CD300LG: variants seen among roughly 807,000 people sequenced by gnomAD.
CD300LG encodes the protein CD300 molecule like family member g, also known as CMRF35-like molecule 9.
A neutral mutation model predicts 31.5 loss-of-function variants in CD300LG; 29 were observed. The ratio of observed to expected loss-of-function variants is 0.92; its 90% CI spans 0.68 to 1.25. The LOEUF (loss-of-function observed/expected upper bound fraction) is 1.25, where lower values mean the gene tolerates loss of function less well. Among genes scored for constraint, CD300LG ranks in the 50% most tolerant of loss-of-function variants. CD300LG has a pLI of 0.00. For synonymous variants in CD300LG, 175 were observed against 177.2 expected (o/e 0.99, Z 0.10); for missense variants, 396 against 417.6 (o/e 0.95, Z 0.45).
chr17:43,848,321 G>C (rs2046244560), intron 1 of CD300LG, among the ~76,000 whole-genome samples: 1 of 152,170 alleles, frequency 6.6e-6, no homozygotes, highest in African/African-American at 2.4e-5. Context: ...GATTCTATCT[G>C]AATCTAGAAC....
intron 4 of CD300LG, among the ~76,000 whole-genome samples, chr17:43,854,986 C>A (rs1471120695): frequency 6.6e-6 from 1 of 152,160 alleles, no homozygotes; most frequent in Non-Finnish European, 1.5e-5. Context: ...TGAACCTAGA[C>A]AGCCTGGCTC....
chr17:43,855,900 AG>A (rs2046506598), intron 5 of CD300LG: 2 of 152,284 alleles, frequency 1.3e-5, no homozygotes. Flanking sequence ...CATGAAAAAA[AG>A]TAAAAAGAAA....
At chr17:43,857,059 G>T (rs1344363051) in intron 5 of CD300LG, 45 bp from the exon 6 acceptor site, 2 of 1,606,014 alleles carry the variant, frequency 1.2e-6, no homozygotes, top group East Asian at 2.2e-5. Flanking sequence ...GCCACTCCCG[G>T]CTACTCCTGG....
chr17:43,852,787 C>G, intron 2 of CD300LG, 125 bp from the exon 3 acceptor site: 1 of 656,352 alleles, frequency 1.5e-6, no homozygotes, highest in South Asian at 2.7e-5. Flanking sequence ...CCTGGTTGGC[C>G]GAGGCGAAAG....
At chr17:43,847,350 CCACCTATCCTCAGCCTCCTCAG>C in intron 1 of CD300LG, 91 bp downstream of exon 1, 1 of 1,448,662 alleles carries the variant, frequency 6.9e-7, no homozygotes, top group Non-Finnish European at 9.5e-7. Flanking sequence ...TAGCCCCACC[CCACCTATCCTCAGCCTCCTCAG>C]CCCTAGGGGA....
At chr17:43,857,308 G>A in intron 6 of CD300LG, 152 bp downstream of exon 6, 1 of 1,451,808 alleles carries the variant, frequency 6.9e-7, no homozygotes, top group African/African-American at 1.4e-5. Context: ...ATGTGTGTGA[G>A]CCCCAAGATC....
At chr17:43,847,921 C>T (rs1409540338) in intron 1 of CD300LG, among the ~76,000 whole-genome samples, 2 of 152,120 alleles carry the variant, frequency 1.3e-5, no homozygotes, top group Non-Finnish European at 2.9e-5. Flanking sequence ...TGCCCTCCAG[C>T]CTGGGCAACA....
In CD300LG at chr17:43,863,018, T is replaced by A. The variant is rs2046678687; in HGVS notation, c.*1107T>A. On this transcript the variant is annotated 3_prime_UTR_variant, in exon 7 of 7. Coordinates refer to ENST00000317310, the MANE Select transcript of CD300LG (RefSeq NM_145273.4). Reference sequence around the variant, plus strand: ...GGTAAAGTAGCACAACTACTATTTTTTTTCTTTTTCCATTATTATTGTTTT... The same window carrying A: ...GGTAAAGTAGCACAACTACTATTTTATTTCTTTTTCCATTATTATTGTTTT... 1 of 152,164 alleles carries A rather than the reference T, an allele frequency of 6.6e-6. No individual in the cohort carries two copies. The highest frequency in any genetic ancestry group is 6.5e-5 in the Admixed American group (1 of 15,270). 9.4% of individuals were successfully genotyped at this position (152,164 alleles called of 1,614,324 possible).
At chr17:43,851,649 T>C (rs1172893929) in intron 2 of CD300LG, among the ~76,000 whole-genome samples, 2 of 147,478 alleles carry the variant, frequency 1.4e-5, no homozygotes, top group African/African-American at 2.5e-5. Flanking sequence ...AATTTTTTTT[T>C]TTTTTTTTTT....
rs115182680 is a variant in CD300LG, at chr17:43,848,654, G to A, written c.140G>A (p.Arg47Gln). The change falls in exon 2 of 7, where the codon CGG (arginine) becomes CAG (glutamine). Residue 47 changes from arginine (R) to glutamine (Q), a missense_variant. By Grantham distance (43) the Arg-to-Gln change is conservative (BLOSUM62 1). Transcript: ENST00000317310. Reference sequence around the variant, plus strand: ...TACAGGGAAGAGCTGAGGGACCACCGGAAGTACTGGTGCAGGAAGGGTGGG... The same window carrying A: ...TACAGGGAAGAGCTGAGGGACCACCAGAAGTACTGGTGCAGGAAGGGTGGG... ...CTYREELRDHRKYWCRKGGIL... is the reference protein window; with the variant it reads ...CTYREELRDHQKYWCRKGGIL... The A allele has an allele frequency of 2.4e-5, 38 of 1,614,142 alleles. No homozygotes were observed. Among genetic ancestry groups the A allele is most frequent in the African/African-American group, 4.0e-5 (3 of 75,044 alleles).
At chr17:43,847,970 C>T (rs867499852) in intron 1 of CD300LG, among the ~76,000 whole-genome samples, 8 of 152,020 alleles carry the variant, frequency 5.3e-5, no homozygotes, top group Non-Finnish European at 8.8e-5. Context: ...AAACCAGGCA[C>T]GGTGGCTCAC....
At position 43,854,038 on chromosome 17, in the gene CD300LG, A is replaced by C. The variant is rs2143356417; in HGVS notation, c.713A>C (p.Lys238Thr). ...TSPALSSGSS[K>T]PRVSIPMVRI... ...CCAGCTCTCAGCAGTGGCAGCTCTA[A>C]GCCCAGGTGAGCCCCAGGTGACCAA... Residue 238 changes from lysine to threonine, a missense_variant, in exon 4 of 7, where the codon AAG becomes ACG. Transcript: ENST00000317310. 2 of 1,611,654 alleles carry C rather than the reference A, an allele frequency of 1.2e-6. No homozygotes were observed. The highest frequency in any genetic ancestry group is 2.2e-5 in the East Asian group (1 of 44,850).
intron 6 of CD300LG, chr17:43,861,017 C>A: frequency 1.3e-6 from 1 of 786,556 alleles, no homozygotes; most frequent in Non-Finnish European, 1.5e-6. Flanking sequence ...CCCCTCCCGG[C>A]ACCTCCCTGC....
At chr17:43,860,007 A>ATTAC (rs1449685494) in intron 6 of CD300LG, among the ~76,000 whole-genome samples, 1 of 152,142 alleles carries the variant, frequency 6.6e-6, no homozygotes, top group African/African-American at 2.4e-5. Flanking sequence ...AAGTGTTGGG[A>ATTAC]TTACAGGCAA....
intron 2 of CD300LG, among the ~76,000 whole-genome samples, chr17:43,852,506 A>G (rs8081396): frequency 0.26 from 40,099 of 152,050 alleles, 7,428 homozygotes; most frequent in African/African-American, 0.53. Context: ...GAGCCACCAC[A>G]CCCGGCCTGA....
intron 2 of CD300LG, among the ~76,000 whole-genome samples, chr17:43,850,358 T>C (rs557976766): frequency 1.3e-5 from 2 of 152,324 alleles, no homozygotes; most frequent in African/African-American, 4.8e-5. Flanking sequence ...CAGCACACCA[T>C]TGAGTATGGT....
At chr17:43,855,356 A>C in intron 5 of CD300LG, 37 bp downstream of exon 5, 1 of 1,351,818 alleles carries the variant, frequency 7.4e-7, no homozygotes. Context: ...CGGGAGGCTC[A>C]CTGGGCCAGG....
chr17:43,858,145 C>T, intron 6 of CD300LG: 5 of 1,290,514 alleles, frequency 3.9e-6, no homozygotes, highest in Middle Eastern at 3.1e-4. Flanking sequence ...CCAGTGAGGA[C>T]AAAAGACTCA....
intron 6 of CD300LG, chr17:43,857,894 A>G: frequency 6.5e-7 from 1 of 1,536,748 alleles, no homozygotes; most frequent in South Asian, 1.2e-5. Flanking sequence ...CAGGGGCAAG[A>G]GAATAAGGGT....
Sources: allele counts gnomAD v4.1 joint callset (sites outside exome capture counted in the v4.1 genomes callset), GRCh38; gene constraint gnomAD v4.1.1; transcripts MANE v1.5; gene names NCBI Gene and HGNC (gene_info 2026-07-23, HGNC 2026-07-21).